The following TPH2 variants were observed in gnomAD, a reference collection of about 807,000 sequenced individuals.
The protein encoded by TPH2 is tryptophan hydroxylase 2, also known as tryptophan 5-hydroxylase 2.
In TPH2, 27 loss-of-function variants were observed where a neutral mutation model predicts 59.1. The observed-to-expected ratio is 0.46, with a 90% CI of 0.34 to 0.63. The LOEUF (loss-of-function observed/expected upper bound fraction) is 0.63. TPH2 is among the 30% of genes least tolerant of loss of function. The pLI is 0.01. For missense variants in TPH2, 523 were observed against 588.3 expected, an observed-to-expected ratio of 0.89 and a Z score of 1.15; for synonymous variants, 220 against 210.5, an observed-to-expected ratio of 1.05 and a Z score of -0.39.
chr12:71,994,752 G>A (rs913445521), intron 8 of TPH2, among the ~76,000 whole-genome samples, 187 bp downstream of exon 8: 1 of 152,128 alleles, frequency 6.6e-6, no homozygotes, highest in African/African-American at 2.4e-5. Flanking sequence ...CAAAACATTT[G>A]TATTTTATCA....
At chr12:71,985,638 C>T (rs1872410931) in intron 7 of TPH2, among the ~76,000 whole-genome samples, 1 of 152,120 alleles carries the variant, frequency 6.6e-6, no homozygotes, top group Admixed American at 6.5e-5. Context: ...ACCTCGTGAT[C>T]CAGCCACCTC....
At chr12:71,993,313 T>G (rs1431860200) in intron 7 of TPH2, among the ~76,000 whole-genome samples, 1 of 152,246 alleles carries the variant, frequency 6.6e-6, no homozygotes, top group African/African-American at 2.4e-5. Flanking sequence ...TAGCAGCTAT[T>G]TGAAGTGATA....
Position 71,944,599 on chromosome 12 carries a change from G to T in TPH2, c.453G>T (p.Val151=). ...IWTEEEELED[V]PWFPRKISEL... ...TGTTTTCAACAGAGCTAGAGGATGT[G>T]CCCTGGTTCCCTCGGAAGATCTCTG... is the stretch of plus-strand genomic sequence containing the variant. The change falls in exon 4 of 11, where the codon GTG becomes GTT. Residue 151 remains valine (V), a synonymous_variant. Coordinates refer to ENST00000333850, the MANE Select transcript of TPH2 (RefSeq NM_173353.4). The T allele has an allele frequency of 6.2e-7, 1 of 1,613,936 alleles. No individual in the cohort carries two copies. Among genetic ancestry groups the T allele is most frequent in the Non-Finnish European group, 8.5e-7 (1 of 1,179,852 alleles).
intron 6 of TPH2, among the ~76,000 whole-genome samples, chr12:71,977,583 G>A (rs979000350): frequency 6.6e-6 from 1 of 152,030 alleles, no homozygotes; most frequent in African/African-American, 2.4e-5. Flanking sequence ...TAACGTCATC[G>A]ATAGGTTCTT....
intron 5 of TPH2, among the ~76,000 whole-genome samples, chr12:71,952,210 G>A (rs1187490022): frequency 6.6e-6 from 1 of 152,164 alleles, no homozygotes; most frequent in South Asian, 2.1e-4. Flanking sequence ...GTTAACAAGA[G>A]TTTGCGTTTG....
In TPH2 at chr12:71,963,393, T is replaced by TATATATTATATATATATAGCTAC. The variant is rs1465657512; in HGVS notation, c.609-9113_609-9112insATATAGCTACATATATTATATAT. On this transcript the variant is annotated intron_variant, in intron 5 of 10. Transcript: ENST00000333850. ...TATATATATAATATATATATAGCTA[T>TATATATTATATATATATAGCTAC]ATATATTATATATGTACTAATACTA... is the stretch of plus-strand genomic sequence containing the variant. Among the ~76,000 whole-genome samples, 4 of 47,978 alleles carry TATATATTATATATATATAGCTAC rather than the reference T, an allele frequency of 8.3e-5. 2 individuals carry two copies. The highest frequency in any genetic ancestry group is 2.0e-4 in the Non-Finnish European group (4 of 19,612). 31.5% of individuals were successfully genotyped at this position (47,978 alleles called of 152,430 possible).
chr12:71,997,695 G>C (rs972781573), intron 8 of TPH2, among the ~76,000 whole-genome samples: 2 of 151,912 alleles, frequency 1.3e-5, no homozygotes, highest in East Asian at 3.9e-4. Context: ...TTTTGCAAAA[G>C]CCAATTTAAG....
At chr12:72,001,667 C>T (rs1266407934) in intron 8 of TPH2, among the ~76,000 whole-genome samples, 1 of 152,132 alleles carries the variant, frequency 6.6e-6, no homozygotes, top group Non-Finnish European at 1.5e-5. Flanking sequence ...ATCCATCCAC[C>T]TCGGCCTCCC....
At chr12:71,995,406 T>A (rs926164368) in intron 8 of TPH2, among the ~76,000 whole-genome samples, 1 of 152,124 alleles carries the variant, frequency 6.6e-6, no homozygotes, top group East Asian at 1.9e-4. Context: ...AAAAATGCGA[T>A]CTTAAATTGT....
At chr12:71,962,716 T>C (rs1294711719) in intron 5 of TPH2, 1 of 969,876 alleles carries the variant, frequency 1.0e-6, no homozygotes, top group African/African-American at 1.8e-5. Context: ...AAATATTATT[T>C]TTTTGTTTTG....
At chr12:72,014,407 T>TC (rs1443860670) in intron 8 of TPH2, among the ~76,000 whole-genome samples, 1 of 151,322 alleles carries the variant, frequency 6.6e-6, no homozygotes, top group Non-Finnish European at 1.5e-5. Flanking sequence ...TTTTTTTTTT[T>TC]TGAGAAGGAG....
At position 71,941,597 on chromosome 12, in the gene TPH2, A is replaced by C; in HGVS notation, c.119A>C (p.Asn40Thr). ...ACATTCCTGAAGCTAAATAAACCTA[A>C]CTCTGGCAAAAATGACGACAAAGGC... ...LLGSSTLNKP[N>T]SGKNDDKGNK... The change falls in exon 2 of 11, where the codon AAC becomes ACC. Residue 40 changes from asparagine to threonine, a missense_variant. Transcript: ENST00000333850. 2 of 1,613,978 alleles carry C rather than the reference A, an allele frequency of 1.2e-6. No homozygotes were observed. Among genetic ancestry groups the C allele is most frequent in the Non-Finnish European group, 1.7e-6 (2 of 1,179,936 alleles).
At chr12:71,943,654 GTTGT>G (rs1173342636) in intron 2 of TPH2, among the ~76,000 whole-genome samples, 1 of 151,774 alleles carries the variant, frequency 6.6e-6, no homozygotes, top group Non-Finnish European at 1.5e-5. Context: ...AATCATCTAA[GTTGT>G]TTGTTTTCCT....
intron 7 of TPH2, among the ~76,000 whole-genome samples, chr12:71,985,859 G>T (rs1872419336): frequency 6.6e-6 from 1 of 152,122 alleles, no homozygotes; most frequent in Non-Finnish European, 1.5e-5. Context: ...ATCTTCACAA[G>T]GTCACAGTTG....
At chr12:72,012,543 A>G (rs1332293475) in intron 8 of TPH2, among the ~76,000 whole-genome samples, 1 of 152,228 alleles carries the variant, frequency 6.6e-6, no homozygotes. Context: ...TGGCTAGACC[A>G]TGGAGGGCCT....
At chr12:71,981,602 G>A (rs1458420942) in intron 7 of TPH2, among the ~76,000 whole-genome samples, 2 of 152,182 alleles carry the variant, frequency 1.3e-5, no homozygotes, top group African/African-American at 4.8e-5. Flanking sequence ...GACTACAATA[G>A]GGGTGAGACG....
intron 5 of TPH2, chr12:71,962,578 A>G (rs1286235220): frequency 5.1e-6 from 5 of 985,218 alleles, no homozygotes; most frequent in African/African-American, 1.7e-5. Flanking sequence ...TGCTTTTTGC[A>G]TAGTAATTGA....
At chr12:72,016,635 T>C (rs1437201406) in intron 8 of TPH2, among the ~76,000 whole-genome samples, 1 of 152,178 alleles carries the variant, frequency 6.6e-6, no homozygotes, top group Non-Finnish European at 1.5e-5. Context: ...GCTAGATATA[T>C]AGTTAATGGA....
At chr12:72,013,164 A>G (rs1182767454) in intron 8 of TPH2, among the ~76,000 whole-genome samples, 1 of 152,144 alleles carries the variant, frequency 6.6e-6, no homozygotes, top group African/African-American at 2.4e-5. Context: ...GTTTGCCATA[A>G]TGTTTCCTCA....
Sources: gnomAD v4.1 joint callset for allele counts (sites outside exome capture counted in the v4.1 genomes callset) on GRCh38, gnomAD v4.1.1 for gene constraint, MANE v1.5 for transcripts, NCBI Gene and HGNC (gene_info 2026-07-23, HGNC 2026-07-21) for gene names.